GSK3B: variants seen among roughly 807,000 people sequenced by gnomAD.
GSK3B encodes glycogen synthase kinase-3 beta.
In GSK3B, 15 loss-of-function variants were observed where a neutral mutation model predicts 56.4. That is an observed-to-expected ratio of 0.27 (90% CI 0.18 to 0.41). The LOEUF (loss-of-function observed/expected upper bound fraction) is 0.41, where lower values mean the gene tolerates loss of function less well. Ranked by LOEUF, GSK3B falls within the 10% of genes least tolerant of loss-of-function variation. The probability of loss-of-function intolerance (pLI) is 1.00; values close to 1 mark genes in which losing one functional copy is unlikely to be tolerated. For synonymous variants in GSK3B, 181 were observed against 188.9 expected (o/e 0.96, Z 0.34); for missense variants, 300 against 513.4 (o/e 0.58, Z 4.02).
At chr3:120,079,162 G>A (rs532658330) in intron 1 of GSK3B, among the ~76,000 whole-genome samples, 4 of 148,552 alleles carry the variant, frequency 2.7e-5, no homozygotes, top group South Asian at 4.3e-4. Flanking sequence ...GGGTGGTCTC[G>A]AACTCCTGAC....
chr3:120,038,703 C>T (rs1432487281), intron 1 of GSK3B, among the ~76,000 whole-genome samples: 1 of 151,962 alleles, frequency 6.6e-6, no homozygotes, highest in African/African-American at 2.4e-5. Context: ...CAAACTGCAT[C>T]ATAGACCTAA....
At chr3:120,002,730 C>T (rs13323804) in intron 1 of GSK3B, among the ~76,000 whole-genome samples, 2,766 of 152,220 alleles carry the variant, frequency 0.018, 91 homozygotes, top group African/African-American at 0.063. Flanking sequence ...ATTTTTTAAA[C>T]TCCCATGTAT....
At chr3:120,032,512 T>C (rs2057986323) in intron 1 of GSK3B, among the ~76,000 whole-genome samples, 1 of 151,928 alleles carries the variant, frequency 6.6e-6, no homozygotes, top group Admixed American at 6.6e-5. Context: ...CATTTAAGTT[T>C]TTAAAAAGTG....
At chr3:119,928,747 A>C (rs577382400) in intron 3 of GSK3B, among the ~76,000 whole-genome samples, 4 of 152,052 alleles carry the variant, frequency 2.6e-5, no homozygotes, top group Non-Finnish European at 2.9e-5. Context: ...CATGAGTCAC[A>C]TAAAACTATA....
intron 10 of GSK3B, among the ~76,000 whole-genome samples, chr3:119,840,988 T>C (rs2055763371): frequency 1.3e-5 from 2 of 152,244 alleles, no homozygotes; most frequent in Admixed American, 1.3e-4. Context: ...TTATTTACTT[T>C]AGCTCAGACC....
rs1360004068 is a variant in GSK3B, at chr3:119,823,229, G to A, written c.*3559C>T. The A allele has an allele frequency of 4.4e-6, 1 of 224,952 alleles. No homozygotes were observed. Among genetic ancestry groups the A allele is most frequent in the Non-Finnish European group, 8.9e-6 (1 of 112,754 alleles). 13.9% of individuals were successfully genotyped at this position (224,952 alleles called of 1,614,324 possible). A position where few individuals can be genotyped will look rare whatever the true frequency, so the allele number is the denominator to read the frequency against. On this transcript the variant is annotated 3_prime_UTR_variant, in exon 11 of 11. Coordinates refer to ENST00000264235, the MANE Select transcript of GSK3B (RefSeq NM_001146156.2). ...TATTTTTCTTTCAAAAAAGGCCTTC[G>A]TGTTGGGCACACAGTAAGAATTAAA...
At chr3:120,061,130 T>C (rs1467554552) in intron 1 of GSK3B, among the ~76,000 whole-genome samples, 1 of 152,214 alleles carries the variant, frequency 6.6e-6, no homozygotes, top group African/African-American at 2.4e-5. Flanking sequence ...AAGCGTTGCT[T>C]AGAATTCCAT....
chr3:119,956,371 C>T (rs1002142104), intron 2 of GSK3B, among the ~76,000 whole-genome samples: 2 of 152,070 alleles, frequency 1.3e-5, no homozygotes, highest in African/African-American at 4.8e-5. Context: ...TATATTATTG[C>T]CTATACAGGT....
intron 8 of GSK3B, 64 bp downstream of exon 8, chr3:119,876,349 G>C: frequency 1.2e-6 from 1 of 859,680 alleles, no homozygotes; most frequent in South Asian, 1.4e-5. Context: ...AATAGTTTAA[G>C]AACAATGAGA....
At chr3:119,989,108 C>T (rs1288735487) in intron 2 of GSK3B, among the ~76,000 whole-genome samples, 1 of 152,134 alleles carries the variant, frequency 6.6e-6, no homozygotes, top group Non-Finnish European at 1.5e-5. Context: ...GCAGACGCTG[C>T]CTCTAAGCTC....
intron 2 of GSK3B, among the ~76,000 whole-genome samples, chr3:119,986,635 A>G (rs951731779): frequency 5.9e-5 from 9 of 152,236 alleles, no homozygotes; most frequent in African/African-American, 7.2e-5. Flanking sequence ...ACAATGAGAT[A>G]CCATCTCACG....
intron 8 of GSK3B, among the ~76,000 whole-genome samples, chr3:119,865,350 TGA>T (rs1418948378): frequency 6.7e-6 from 1 of 149,644 alleles, no homozygotes; most frequent in Non-Finnish European, 1.5e-5. Context: ...GGCTGGATGC[TGA>T]GTTATTTTAA....
At position 119,918,376 on chromosome 3, in the gene GSK3B, A is replaced by C. The variant is rs894393309; in HGVS notation, c.478-2202T>G. On this transcript the variant is annotated intron_variant, in intron 4 of 10. Coordinates refer to ENST00000264235, the MANE Select transcript of GSK3B (RefSeq NM_001146156.2). ...TAATCCCAGCTCGGAAGGCTGGGGC[A>C]GGAGAATTGCTTGGACCCGGGAGAT... Among the ~76,000 whole-genome samples the C allele has an allele frequency of 3.3e-5, 5 of 151,702 alleles. No individual in the cohort carries two copies. The East Asian group carries it at 9.7e-4, about 29-fold the overall frequency.
At chr3:119,887,279 A>G (rs2056446848) in intron 7 of GSK3B, among the ~76,000 whole-genome samples, 1 of 152,106 alleles carries the variant, frequency 6.6e-6, no homozygotes, top group Admixed American at 6.6e-5. Flanking sequence ...GGTGTAAACA[A>G]CTAAGAAACT....
intron 2 of GSK3B, among the ~76,000 whole-genome samples, chr3:119,989,257 A>C (rs920873758): frequency 6.6e-6 from 1 of 152,120 alleles, no homozygotes; most frequent in African/African-American, 2.4e-5. Context: ...ACAGGAATCA[A>C]CTCCTAAATA....
chr3:119,928,591 C>T (rs986218484), intron 3 of GSK3B, among the ~76,000 whole-genome samples: 26 of 114,532 alleles, frequency 2.3e-4, no homozygotes, highest in African/African-American at 3.9e-4. Context: ...GGAGATAGAG[C>T]GAGACTCCAT....
chr3:119,870,183 C>T (rs1460255159), intron 8 of GSK3B, among the ~76,000 whole-genome samples: 1 of 152,162 alleles, frequency 6.6e-6, no homozygotes, highest in African/African-American at 2.4e-5. Context: ...ACCATCCTCA[C>T]TGGAAGTCTG....
chr3:119,965,255 G>C (rs1404444824), intron 2 of GSK3B, among the ~76,000 whole-genome samples: 3 of 150,460 alleles, frequency 2.0e-5, no homozygotes, highest in African/African-American at 7.3e-5. Flanking sequence ...GTAGAGACGG[G>C]GTTTCACCAT....
At chr3:119,961,354 G>A (rs1022926453) in intron 2 of GSK3B, among the ~76,000 whole-genome samples, 7 of 152,078 alleles carry the variant, frequency 4.6e-5, no homozygotes, top group Non-Finnish European at 8.8e-5. Context: ...CAGGCTGGGC[G>A]CAGTGGCTCA....
Sources: allele counts gnomAD v4.1 joint callset (sites outside exome capture counted in the v4.1 genomes callset), GRCh38; gene constraint gnomAD v4.1.1; transcripts MANE v1.5; gene names NCBI Gene and HGNC (gene_info 2026-07-23, HGNC 2026-07-21).